RASGRP4: variants seen among roughly 807,000 people sequenced by gnomAD.
RASGRP4 encodes the protein RAS guanyl-releasing protein 4.
In RASGRP4, 52 loss-of-function variants were observed where a neutral mutation model predicts 84.4. The ratio of observed to expected loss-of-function variants is 0.62; its 90% CI spans 0.49 to 0.78. The LOEUF (loss-of-function observed/expected upper bound fraction) is 0.78. RASGRP4 is among the 30% of genes least tolerant of loss of function. The pLI, the probability that RASGRP4 is intolerant of heterozygous loss-of-function variation, is 0.00. For synonymous variants in RASGRP4, 356 were observed against 359.1 expected, an observed-to-expected ratio of 0.99 and a Z score of 0.10; for missense variants, 760 against 886.9, an observed-to-expected ratio of 0.86 and a Z score of 1.82.
In RASGRP4 at chr19:38,417,189, A is replaced by G; in HGVS notation, c.838-21T>C. 1 of 1,495,796 alleles carries G rather than the reference A, an allele frequency of 6.7e-7. No homozygotes were observed. Among genetic ancestry groups the G allele is most frequent in the East Asian group, 2.5e-5 (1 of 40,682 alleles). The allele number at this position is 1,495,796 out of a possible 1,614,324, so 92.7% of individuals were successfully genotyped here. A position where few individuals can be genotyped will look rare whatever the true frequency, so the allele number is the denominator to read the frequency against. On this transcript the variant is annotated intron_variant, in intron 7 of 16. Coordinates refer to ENST00000615439, the MANE Select transcript of RASGRP4 (RefSeq NM_170604.3). The surrounding 1 kb of genome is among the most constrained non-coding windows in gnomAD (Gnocchi z 5.1). ...AGCCTCTAGGAAGAGAAGCATGCAC[A>G]CAGGGCCGTCACGGGAGGGAGGGCA...
In RASGRP4 at chr19:38,415,075, G is replaced by A. The variant is rs202008979; in HGVS notation, c.1003C>T (p.Arg335Cys). The A allele has an allele frequency of 6.4e-5, 103 of 1,601,476 alleles. 1 individual carries two copies. In the East Asian group the frequency reaches 2.2e-3, roughly 34 times the overall value. Reference protein sequence around the residue: ...ELLASHNNYARYRRTWAGCAG... With the variant: ...ELLASHNNYACYRRTWAGCAG... The stretch of plus-strand genomic sequence containing the variant: ...CAGCCAGCCCAGGTGCGGCGGTAGC[G>A]GGCGTAGTTGTTGTGGGAGGCAAGG... The change falls in exon 9 of 17, where the codon CGC becomes TGC. Residue 335 changes from arginine (R) to cysteine (C), a missense_variant. Physicochemically the swap from Arg to Cys is radical, Grantham distance 180. Coordinates refer to ENST00000615439, the MANE Select transcript of RASGRP4 (RefSeq NM_170604.3).
Position 38,411,254 on chromosome 19 carries a change from G to A in RASGRP4, c.1718-5C>T. 6.2e-7 allele frequency: 1 copy of A among 1,613,932 alleles called. No homozygotes were observed. Among genetic ancestry groups the A allele is most frequent in the East Asian group, 2.2e-5 (1 of 44,884 alleles). On this transcript the variant is annotated splice_polypyrimidine_tract_variant and splice_region_variant and intron_variant, in intron 14 of 16. Coordinates refer to ENST00000615439, the MANE Select transcript of RASGRP4 (RefSeq NM_170604.3). ...TGTGGCAACACAGCCCGCACTCTGGGGGAAGGCAGCGGCAGGGGTCCGATC... is the reference window on the plus strand; with the variant it reads ...TGTGGCAACACAGCCCGCACTCTGGAGGAAGGCAGCGGCAGGGGTCCGATC...
In RASGRP4 at chr19:38,413,172, G is replaced by A. The variant is rs760472477; in HGVS notation, c.1416+21C>T. On this transcript the variant is annotated intron_variant, in intron 11 of 16. Coordinates refer to ENST00000615439, the MANE Select transcript of RASGRP4 (RefSeq NM_170604.3). This position sits in a 1 kb window ranked among gnomAD's most constrained non-coding sequence, Gnocchi z 4.7. ...TCTTCCCTCCTGGCTGCTGGCGGCC[G>A]GGCCACCCTCCCCTCCTTACCTCCA... The A allele has an allele frequency of 2.5e-5, 40 of 1,604,062 alleles. No homozygotes were observed. Among genetic ancestry groups the A allele is most frequent in the Middle Eastern group, 1.8e-4 (1 of 5,566 alleles).
Position 38,418,395 on chromosome 19 carries a change from G to T in RASGRP4, c.833C>A (p.Ala278Glu). Residue 278 changes from alanine (A) to glutamate (E), a missense_variant, in exon 7 of 17, where the codon GCA becomes GAA. Physicochemically the swap from Ala to Glu is moderately radical, Grantham distance 107 (BLOSUM62 -1). Coordinates refer to ENST00000615439, the MANE Select transcript of RASGRP4 (RefSeq NM_170604.3). The surrounding 1 kb of genome is among the most constrained non-coding windows in gnomAD (Gnocchi z 4.6). ...AQVLDKFIHV[A>E]QRLHQLQNFN... The stretch of plus-strand genomic sequence containing the variant: ...GCCCCAAGGGGCGGGCCTCACCTGT[G>T]CCACGTGAATGAACTTGTCCAGCAC... The T allele has an allele frequency of 6.2e-7, 1 of 1,604,628 alleles. No homozygotes were observed.
chr19:38,420,875 G>A (rs1324999951), intron 4 of RASGRP4, 33 bp downstream of exon 4: 1 of 1,601,186 alleles, frequency 6.2e-7, no homozygotes, highest in Admixed American at 1.7e-5. Context: ...GAAGTCGTGG[G>A]TCCTGAGAGT....
chr19:38,411,381 G>A lies in RASGRP4; in HGVS notation c.1681C>T (p.Leu561Phe). 1.3e-6 allele frequency: 2 copies of A among 1,567,862 alleles called. No individual in the cohort carries two copies. Among genetic ancestry groups the A allele is most frequent in the South Asian group, 1.2e-5 (1 of 85,664 alleles). Residue 561 changes from leucine (L) to phenylalanine (F), a missense_variant and splice_region_variant, in exon 14 of 17, where the codon CTC (leucine) becomes TTC (phenylalanine). Leu to Phe is a conservative substitution (Grantham distance 22). Transcript: ENST00000615439. ...TAGCCTTGCTTGGTGACACCCCAGA[G>A]CTGGGAAGAGAAAGGAGAAAAGGTT... ...PTFCDSCSGF[L>F]WGVTKQGYRC... is the part of the protein sequence containing the mutation.
In RASGRP4 at chr19:38,412,917, T is replaced by C. The variant is rs1256012352; in HGVS notation, c.1535+14A>G. The C allele has an allele frequency of 1.2e-6, 2 of 1,613,390 alleles. No individual in the cohort carries two copies. The highest frequency in any genetic ancestry group is 1.7e-6 in the Non-Finnish European group (2 of 1,179,608). ...TCCTCATCTTCGGAGGATCCAGGAG[T>C]CACAACCACTTACCCCTGGCGTGGG... On this transcript the variant is annotated intron_variant, in intron 12 of 16. Transcript: ENST00000615439. This position sits in a 1 kb window ranked among gnomAD's most constrained non-coding sequence, Gnocchi z 4.6.
chr19:38,413,317 G>A lies in RASGRP4; in HGVS notation c.1312-20C>T. The A allele has an allele frequency of 6.2e-7, 1 of 1,608,180 alleles. No individual in the cohort carries two copies. Among genetic ancestry groups the A allele is most frequent in the Non-Finnish European group, 8.5e-7 (1 of 1,174,988 alleles). On this transcript the variant is annotated intron_variant, in intron 10 of 16. Transcript: ENST00000615439. The surrounding 1 kb of genome is among the most constrained non-coding windows in gnomAD (Gnocchi z 4.7). ...GGGTGGCTGGGGCGGGGACAGAGGAGCACAGTTAGTCACTGCATAGGCTTA... is the reference window on the plus strand; with the variant it reads ...GGGTGGCTGGGGCGGGGACAGAGGAACACAGTTAGTCACTGCATAGGCTTA...
Position 38,412,835 on chromosome 19 carries a change from C to T in RASGRP4, c.1536-19G>A, listed in dbSNP as rs1287571803. The T allele has an allele frequency of 6.2e-7, 1 of 1,610,084 alleles. No individual in the cohort carries two copies. Among genetic ancestry groups the T allele is most frequent in the South Asian group, 1.1e-5 (1 of 90,756 alleles). On this transcript the variant is annotated intron_variant, in intron 12 of 16. Transcript: ENST00000615439. This position sits in a 1 kb window ranked among gnomAD's most constrained non-coding sequence, Gnocchi z 4.6. ...TCCTCTCCTGGGGGCAGAAACTGAG[C>T]CTCAGCATGACCTGCCCCAACGTCC... is the stretch of plus-strand genomic sequence containing the variant.
intron 4 of RASGRP4, 121 bp from the exon 5 acceptor site, chr19:38,420,383 T>C (rs1971691434): frequency 1.0e-6 from 1 of 995,032 alleles, no homozygotes; most frequent in Non-Finnish European, 1.4e-6. Flanking sequence ...TGTGTGGGGG[T>C]CCCTGGAGGG....
rs552740608 is a variant in RASGRP4, at chr19:38,409,737, C to CA, written c.*302dup. 0.043 allele frequency: 7,751 copies of CA among 180,054 alleles called. 118 individuals carry two copies. The highest frequency in any genetic ancestry group is 0.08 in the African/African-American group (3,056 of 38,350). The allele number at this position is 180,054 out of a possible 1,614,324, so 11.2% of individuals were successfully genotyped here. On this transcript the variant is annotated 3_prime_UTR_variant, in exon 17 of 17. Transcript: ENST00000615439. ...TGGGTGACAGAGCAAGACTCTGTCTCAAAAAAAAAAAGAAATGGAGATGTA... is the reference window on the plus strand; with the variant it reads ...TGGGTGACAGAGCAAGACTCTGTCTCAAAAAAAAAAAAGAAATGGAGATGTA...
Position 38,419,987 on chromosome 19 carries a change from G to C in RASGRP4, c.536C>G (p.Pro179Arg), listed in dbSNP as rs761249940. ...CAGGCCTGGGCTGCTCATTGGGAGTGGGGGGCCAGGGCCACCAGGGCTCAG... is the reference window on the plus strand; with the variant it reads ...CAGGCCTGGGCTGCTCATTGGGAGTCGGGGGCCAGGGCCACCAGGGCTCAG... ...DLLSPGGPGP[P>R]LPMSSPGLGK... Residue 179 changes from proline (P) to arginine (R), a missense_variant, in exon 6 of 17, where the codon CCA becomes CGA. Pro to Arg is a moderately radical substitution (Grantham distance 103, BLOSUM62 -2). Coordinates refer to ENST00000615439, the MANE Select transcript of RASGRP4 (RefSeq NM_170604.3). 71 of 1,613,888 alleles carry C rather than the reference G, an allele frequency of 4.4e-5. No homozygotes were observed. The Admixed American group carries it at 1.1e-3, about 24-fold the overall frequency.
chr19:38,409,917 C>T lies in RASGRP4; in HGVS notation c.*123G>A. ...AAGATGACGGACGTACCACTAAAGGCAGTGTGGATGGGAAGGCGGATGCCT... is the reference window on the plus strand; with the variant it reads ...AAGATGACGGACGTACCACTAAAGGTAGTGTGGATGGGAAGGCGGATGCCT... On this transcript the variant is annotated 3_prime_UTR_variant, in exon 17 of 17. Coordinates refer to ENST00000615439, the MANE Select transcript of RASGRP4 (RefSeq NM_170604.3). The T allele has an allele frequency of 1.5e-6, 1 of 656,558 alleles. No individual in the cohort carries two copies. Among genetic ancestry groups the T allele is most frequent in the African/African-American group, 1.8e-5 (1 of 54,402 alleles). The allele number at this position is 656,558 out of a possible 1,614,324, so 40.7% of individuals were successfully genotyped here. A position where few individuals can be genotyped will look rare whatever the true frequency, so the allele number is the denominator to read the frequency against.
rs4802399 is a variant in RASGRP4, at chr19:38,409,359, G to A, written c.*681C>T. 8,410 of 152,988 alleles carry A rather than the reference G, an allele frequency of 0.055. 293 individuals carry two copies. The highest frequency in any genetic ancestry group is 0.12 in the East Asian group (640 of 5,180). 9.5% of individuals were successfully genotyped at this position (152,988 alleles called of 1,614,324 possible). A position where few individuals can be genotyped will look rare whatever the true frequency, so the allele number is the denominator to read the frequency against. ...ATTGATAGAAATCCCTGTTCTCCTGGAGTTGATGCTCCTGTTGAGGAAAGA... is the reference window on the plus strand; with the variant it reads ...ATTGATAGAAATCCCTGTTCTCCTGAAGTTGATGCTCCTGTTGAGGAAAGA... On this transcript the variant is annotated 3_prime_UTR_variant, in exon 17 of 17. Transcript: ENST00000615439.
At chr19:38,424,070 G>C (rs1252557309) in intron 1 of RASGRP4, among the ~76,000 whole-genome samples, 1 of 151,952 alleles carries the variant, frequency 6.6e-6, no homozygotes, top group Non-Finnish European at 1.5e-5. Flanking sequence ...TTTCCTCGAA[G>C]GAAAAATGAG....
rs1024429273 is a variant in RASGRP4 at position 38,418,368 on chromosome 19, C to A, written c.837+23G>T. The A allele has an allele frequency of 6.3e-7, 1 of 1,594,328 alleles. No homozygotes were observed. The highest frequency in any genetic ancestry group is 8.5e-7 in the Non-Finnish European group (1 of 1,171,452). ...AGGTGGCTGCGTGCAGTGGAGTTCG[C>A]AGCCCCAAGGGGCGGGCCTCACCTG... On this transcript the variant is annotated intron_variant, in intron 7 of 16. Coordinates refer to ENST00000615439, the MANE Select transcript of RASGRP4 (RefSeq NM_170604.3). The surrounding 1 kb of genome is among the most constrained non-coding windows in gnomAD (Gnocchi z 4.6).
chr19:38,416,808 C>T (rs898024884), intron 8 of RASGRP4, among the ~76,000 whole-genome samples: 1 of 152,188 alleles, frequency 6.6e-6, no homozygotes, highest in African/African-American at 2.4e-5. Context: ...TGTCTCCCAT[C>T]TGTCTCCCTC....
chr19:38,410,963 C>G lies in RASGRP4; in HGVS notation c.1888G>C (p.Glu630Gln), dbSNP rs1717863264. 8 of 1,602,524 alleles carry G rather than the reference C, an allele frequency of 5.0e-6. No homozygotes were observed. Among genetic ancestry groups the G allele is most frequent in the Non-Finnish European group, 6.0e-6 (7 of 1,174,670 alleles). Residue 630 changes from glutamate (E) to glutamine (Q), a missense_variant, in exon 16 of 17, where the codon GAG (glutamate) becomes CAG (glutamine). Glu to Gln is a conservative substitution (Grantham distance 29). Transcript: ENST00000615439. ...CGAAGCTGGCACCCAGTCTCAGGCT[C>G]CAGGGATAGCGTGTAGGAGTGATTT... ...EENHSYTLSL[E>Q]PETGCQLRHA...
Position 38,410,950 on chromosome 19 carries a change from C to T in RASGRP4, c.1901G>A (p.Gly634Glu). The change falls in exon 16 of 17, where the codon GGG becomes GAG. Residue 634 changes from glycine (G) to glutamate (E), a missense_variant. Gly to Glu is a moderately conservative substitution (Grantham distance 98). Coordinates refer to ENST00000615439, the MANE Select transcript of RASGRP4 (RefSeq NM_170604.3). Reference protein sequence around the residue: ...SYTLSLEPETGCQLRHAWTQT... With the variant: ...SYTLSLEPETECQLRHAWTQT... ...GGTCCAGGCATGGCGAAGCTGGCACCCAGTCTCAGGCTCCAGGGATAGCGT... is the reference window on the plus strand; with the variant it reads ...GGTCCAGGCATGGCGAAGCTGGCACTCAGTCTCAGGCTCCAGGGATAGCGT... The T allele has an allele frequency of 6.2e-7, 1 of 1,604,044 alleles. No homozygotes were observed. Among genetic ancestry groups the T allele is most frequent in the Non-Finnish European group, 8.5e-7 (1 of 1,175,436 alleles).
Sources: allele counts gnomAD v4.1 joint callset (sites outside exome capture counted in the v4.1 genomes callset), GRCh38; gene constraint gnomAD v4.1.1; non-coding constraint Gnocchi (gnomAD v3.1); transcripts MANE v1.5; gene names NCBI Gene and HGNC (gene_info 2026-07-23, HGNC 2026-07-21).